The following SNX29 variants were observed in gnomAD, a reference collection of about 807,000 sequenced individuals.
The protein encoded by SNX29 is sorting nexin 29.
In SNX29, 78 loss-of-function variants were observed where a neutral mutation model predicts 102.1. The ratio of observed to expected loss-of-function variants is 0.76; its 90% CI spans 0.64 to 0.92. SNX29 has a LOEUF of 0.92. Ranked by LOEUF, SNX29 falls within the 40% of genes least tolerant of loss-of-function variation. The probability of loss-of-function intolerance (pLI) is 0.00; values close to 1 mark genes in which losing one functional copy is unlikely to be tolerated. For synonymous variants in SNX29, 580 were observed against 414.5 expected, an observed-to-expected ratio of 1.40 and a Z score of -4.85; for missense variants, 1,280 against 1,061.7, an observed-to-expected ratio of 1.21 and a Z score of -2.86.
At chr16:11,978,657 A>G (rs1050546076) in intron 1 of SNX29, among the ~76,000 whole-genome samples, 2 of 152,202 alleles carry the variant, frequency 1.3e-5, no homozygotes, top group African/African-American at 4.8e-5. Context: ...TACTATGACC[A>G]AGGAGTCTTT....
chr16:12,141,720 T>C (rs2054877128), intron 13 of SNX29, among the ~76,000 whole-genome samples: 2 of 152,248 alleles, frequency 1.3e-5, no homozygotes, highest in African/African-American at 4.8e-5. Context: ...AGCATGCTTA[T>C]GCATTCTAAT....
intron 14 of SNX29, among the ~76,000 whole-genome samples, chr16:12,261,059 TGC>T: frequency 6.8e-6 from 1 of 146,678 alleles, no homozygotes; most frequent in Middle Eastern, 4.1e-3. Context: ...AGCTGGGGTC[TGC>T]GCATGAGTCC....
chr16:12,434,477 G>A (rs1299841686), intron 18 of SNX29, among the ~76,000 whole-genome samples: 1 of 152,096 alleles, frequency 6.6e-6, no homozygotes, highest in Non-Finnish European at 1.5e-5. Flanking sequence ...TCCATTTTTT[G>A]TGTGTCCTGT....
chr16:12,317,025 T>A (rs928104540), intron 15 of SNX29, among the ~76,000 whole-genome samples: 1 of 152,274 alleles, frequency 6.6e-6, no homozygotes, highest in Non-Finnish European at 1.5e-5. Flanking sequence ...AAATGGAATG[T>A]AACTTGAATT....
At chr16:12,087,883 A>G in intron 11 of SNX29, 1 of 456,840 alleles carries the variant, frequency 2.2e-6, no homozygotes. Context: ...TCGATAGGCT[A>G]AGCTGGCAAC....
chr16:12,036,459 C>T (rs1265143674), intron 4 of SNX29, among the ~76,000 whole-genome samples: 3 of 151,712 alleles, frequency 2.0e-5, no homozygotes, highest in Non-Finnish European at 4.4e-5. Context: ...CTCTGCCTCC[C>T]AAGTAGCTGG....
Position 12,133,292 on chromosome 16 carries a change from T to G in SNX29, c.1595+3534T>G, listed in dbSNP as rs868462486. Among the ~76,000 whole-genome samples the G allele has an allele frequency of 3.6e-5, 5 of 137,618 alleles. No individual in the cohort carries two copies. The South Asian group carries it at 9.5e-4, about 26-fold the overall frequency. The allele number at this position is 137,618 out of a possible 152,430, so 90.3% of individuals were successfully genotyped here. On this transcript the variant is annotated intron_variant, in intron 13 of 20. Transcript: ENST00000566228. ...TTTCCTTAGTGTGGGTTTTTTTTTTTTTTTTTTTTTTTTTTTAAGATAGTA... is the reference window on the plus strand; with the variant it reads ...TTTCCTTAGTGTGGGTTTTTTTTTTGTTTTTTTTTTTTTTTTAAGATAGTA...
At chr16:12,449,142 G>A (rs1366552508) in intron 18 of SNX29, among the ~76,000 whole-genome samples, 1 of 152,116 alleles carries the variant, frequency 6.6e-6, no homozygotes, top group Non-Finnish European at 1.5e-5. Context: ...GGTGGTTAGG[G>A]AAGGCAGGCA....
chr16:12,513,226 C>T lies in SNX29; in HGVS notation c.2179-11476C>T, dbSNP rs145860342. On this transcript the variant is annotated intron_variant, in intron 19 of 20. Coordinates refer to ENST00000566228, the MANE Select transcript of SNX29 (RefSeq NM_032167.5). ...GCCCTGCCCTACTGTGCCTGCCTTT[C>T]TCCTGCCCTGCTTGTTTTCTGTCCT... Among the ~76,000 whole-genome samples the T allele has an allele frequency of 3.2e-4, 48 of 150,972 alleles. No homozygotes were observed. The East Asian group carries it at 4.9e-3, about 15-fold the overall frequency.
chr16:12,438,021 G>C (rs912951812), intron 18 of SNX29, among the ~76,000 whole-genome samples: 3 of 152,138 alleles, frequency 2.0e-5, no homozygotes, highest in African/African-American at 7.2e-5. Flanking sequence ...TTGGACTTGG[G>C]AGCACACGTC....
intron 19 of SNX29, among the ~76,000 whole-genome samples, chr16:12,494,329 A>G (rs1042223487): frequency 6.6e-6 from 1 of 152,092 alleles, no homozygotes; most frequent in Admixed American, 6.5e-5. Context: ...ATTGGTGCAC[A>G]CGCTTGTTTA....
chr16:12,293,756 T>TTA (rs2079882703), intron 15 of SNX29, among the ~76,000 whole-genome samples: 1 of 152,256 alleles, frequency 6.6e-6, no homozygotes, highest in Non-Finnish European at 1.5e-5. Flanking sequence ...GGATCTTTTT[T>TTA]ATCAATTAAT....
chr16:12,470,071 A>G (rs1450125753), intron 18 of SNX29, among the ~76,000 whole-genome samples: 1 of 152,234 alleles, frequency 6.6e-6, no homozygotes, highest in East Asian at 1.9e-4. Flanking sequence ...ATTGTGCGTA[A>G]CATGTCTGGC....
rs565690781 is a variant in SNX29, at chr16:12,404,707, C to A, written c.2037+1178C>A. Among the ~76,000 whole-genome samples, 12 of 152,232 alleles carry A rather than the reference C, an allele frequency of 7.9e-5. No homozygotes were observed. The South Asian group carries it at 8.3e-4, about 11-fold the overall frequency. ...AGGACACTGAACTTGAAAGCGGAAT[C>A]CCTGGTTTAAATCCTGTGACCTTAG... On this transcript the variant is annotated intron_variant, in intron 18 of 20. Coordinates refer to ENST00000566228, the MANE Select transcript of SNX29 (RefSeq NM_032167.5).
intron 8 of SNX29, among the ~76,000 whole-genome samples, chr16:12,057,537 G>T (rs1056445493): frequency 6.6e-6 from 1 of 152,186 alleles, no homozygotes; most frequent in African/African-American, 2.4e-5. Context: ...TGGTTTAGCA[G>T]TCCCAGTGCG....
At chr16:12,117,362 G>A (rs2053774444) in intron 11 of SNX29, among the ~76,000 whole-genome samples, 1 of 134,914 alleles carries the variant, frequency 7.4e-6, no homozygotes, top group South Asian at 2.5e-4. Flanking sequence ...TGGTCAATAC[G>A]TGCTTCAGTG....
At chr16:12,513,475 G>T (rs548856691) in intron 19 of SNX29, among the ~76,000 whole-genome samples, 2 of 150,856 alleles carry the variant, frequency 1.3e-5, no homozygotes, top group South Asian at 2.1e-4. Flanking sequence ...CTTCCCTTCC[G>T]TACCCTTGCA....
At position 12,411,872 on chromosome 16, in the gene SNX29, A is replaced by G. The variant is rs573151410; in HGVS notation, c.2037+8343A>G. On this transcript the variant is annotated intron_variant, in intron 18 of 20. Transcript: ENST00000566228. ...TGAATGTTACCTTTGTGATCTGATAACCACTTGACTTGTGATAAGCAATTA... is the reference window on the plus strand; with the variant it reads ...TGAATGTTACCTTTGTGATCTGATAGCCACTTGACTTGTGATAAGCAATTA... Among the ~76,000 whole-genome samples the G allele has an allele frequency of 8.5e-4, 130 of 152,204 alleles. 1 individual carries two copies. Among genetic ancestry groups the G allele is most frequent in the Non-Finnish European group, 1.6e-3 (112 of 68,040 alleles).
At chr16:12,564,140 G>C (rs1046796276) in intron 20 of SNX29, among the ~76,000 whole-genome samples, 1 of 152,112 alleles carries the variant, frequency 6.6e-6, no homozygotes, top group African/African-American at 2.4e-5. Flanking sequence ...TATAATCCCA[G>C]CACTTGGGAG....
Sources: gnomAD v4.1 joint callset for allele counts (sites outside exome capture counted in the v4.1 genomes callset) on GRCh38, gnomAD v4.1.1 for gene constraint, MANE v1.5 for transcripts, NCBI Gene and HGNC (gene_info 2026-07-23, HGNC 2026-07-21) for gene names.